ZMYND8: variants seen among roughly 807,000 people sequenced by gnomAD.
The protein encoded by ZMYND8 is MYND-type zinc finger-containing chromatin reader ZMYND8.
Under a neutral mutation model 140.8 loss-of-function variants are expected in ZMYND8, and 37 were observed. The observed-to-expected ratio is 0.26, with a 90% CI of 0.20 to 0.35. The LOEUF (loss-of-function observed/expected upper bound fraction) is 0.35, where lower values mean the gene tolerates loss of function less well. ZMYND8 is among the 10% of genes least tolerant of loss of function. ZMYND8 has a pLI of 1.00. For synonymous variants in ZMYND8, 592 were observed against 597.1 expected (o/e 0.99, Z 0.12); for missense variants, 1,068 against 1,570.0 (o/e 0.68, Z 5.40).
At chr20:47,230,778 CACA>C (rs943730718) in intron 16 of ZMYND8, among the ~76,000 whole-genome samples, 8 of 152,236 alleles carry the variant, frequency 5.3e-5, no homozygotes, top group South Asian at 4.1e-4. Context: ...ACAATCATTT[CACA>C]ACATTTTCAT....
At chr20:47,279,727 A>G (rs2076485250) in intron 10 of ZMYND8, among the ~76,000 whole-genome samples, 1 of 151,186 alleles carries the variant, frequency 6.6e-6, no homozygotes, top group African/African-American at 2.4e-5. Context: ...AACACTGCCC[A>G]GTACATAAAA....
intron 3 of ZMYND8, among the ~76,000 whole-genome samples, chr20:47,306,326 T>A (rs753225235): frequency 4.0e-5 from 6 of 151,498 alleles, no homozygotes; most frequent in Non-Finnish European, 5.9e-5. Context: ...GCCGGGGAGG[T>A]CGAGCCTGCA....
intron 2 of ZMYND8, chr20:47,320,861 A>G (rs918354892): frequency 2.0e-5 from 3 of 152,254 alleles, no homozygotes; most frequent in Non-Finnish European, 4.4e-5. Context: ...CTTTGTAGAA[A>G]AGTCAGACAG....
intron 12 of ZMYND8, 133 bp from the exon 13 acceptor site, chr20:47,249,572 A>G: frequency 8.1e-7 from 1 of 1,229,722 alleles, no homozygotes; most frequent in Non-Finnish European, 1.1e-6. Flanking sequence ...TTTGTCATTC[A>G]TCCCAACAAT....
intron 2 of ZMYND8, among the ~76,000 whole-genome samples, chr20:47,326,494 CAT>C (rs1216934502): frequency 1.3e-5 from 2 of 152,130 alleles, no homozygotes; most frequent in African/African-American, 4.8e-5. Context: ...CCAGGGAAAA[CAT>C]ATTCCCTTCT....
chr20:47,255,726 A>G (rs946541660), intron 12 of ZMYND8, among the ~76,000 whole-genome samples: 1,117 of 11,568 alleles, frequency 0.097, 37 homozygotes, highest in Admixed American at 0.17. Context: ...ATGTGTGTAT[A>G]TATATATATA....
intron 2 of ZMYND8, among the ~76,000 whole-genome samples, chr20:47,332,086 G>A (rs1287033537): frequency 1.3e-5 from 2 of 152,094 alleles, no homozygotes; most frequent in African/African-American, 4.8e-5. Flanking sequence ...GCTGAGGCAG[G>A]CGGATCACGA....
intron 19 of ZMYND8, among the ~76,000 whole-genome samples, chr20:47,223,600 G>T (rs192973587): frequency 6.7e-6 from 1 of 148,428 alleles, no homozygotes; most frequent in Non-Finnish European, 1.5e-5. Context: ...CAAGGTAGGT[G>T]GATCACCTGA....
At chr20:47,227,799 A>T (rs949131340) in intron 17 of ZMYND8, among the ~76,000 whole-genome samples, 1 of 152,192 alleles carries the variant, frequency 6.6e-6, no homozygotes, top group African/African-American at 2.4e-5. Context: ...GAAACTAATT[A>T]AACAGTGTTT....
intron 2 of ZMYND8, among the ~76,000 whole-genome samples, chr20:47,338,540 A>G (rs1283256428): frequency 6.6e-6 from 1 of 152,012 alleles, no homozygotes; most frequent in Non-Finnish European, 1.5e-5. Flanking sequence ...CAGACATCAT[A>G]TTTTCACCAT....
Position 47,281,088 on chromosome 20 carries a change from C to T in ZMYND8, c.998+1014G>A, listed in dbSNP as rs1257909433. On this transcript the variant is annotated intron_variant, in intron 10 of 22. Coordinates refer to ENST00000471951, the MANE Select transcript of ZMYND8 (RefSeq NM_001281775.3). ...TTCCACTACACAGGCTGGCACGCAG[C>T]AGTCATCAAATATGTATTTCTTTGA... Among the ~76,000 whole-genome samples the T allele has an allele frequency of 2.0e-5, 3 of 152,226 alleles. No individual in the cohort carries two copies. In the East Asian group the frequency reaches 5.8e-4, roughly 29 times the overall value.
intron 2 of ZMYND8, among the ~76,000 whole-genome samples, chr20:47,343,957 C>CTT (rs750832298): frequency 0.017 from 1,994 of 119,916 alleles, 97 homozygotes; most frequent in African/African-American, 0.058. Context: ...AGTGATAAAT[C>CTT]TTTTTTTTTT....
chr20:47,349,908 T>G (rs576589459), intron 1 of ZMYND8: 3 of 1,535,466 alleles, frequency 2.0e-6, no homozygotes, highest in Admixed American at 3.9e-5. Flanking sequence ...GTATTGATCA[T>G]GGAGGAAGGC....
chr20:47,297,861 C>T (rs1408075940), intron 4 of ZMYND8, among the ~76,000 whole-genome samples: 2 of 152,136 alleles, frequency 1.3e-5, no homozygotes, highest in African/African-American at 4.8e-5. Context: ...CAGTGGAAAC[C>T]CTAATAGTTG....
At chr20:47,249,514 CAG>C in intron 12 of ZMYND8, 75 bp from the exon 13 acceptor site, 9 of 1,553,952 alleles carry the variant, frequency 5.8e-6, no homozygotes, top group Non-Finnish European at 7.9e-6. Flanking sequence ...CTTGCAAAGT[CAG>C]AGCAAAACAC....
intron 21 of ZMYND8, among the ~76,000 whole-genome samples, chr20:47,216,860 TAAAAG>T (rs1568881015): frequency 6.6e-6 from 1 of 151,998 alleles, no homozygotes; most frequent in African/African-American, 2.4e-5. Context: ...AAAGTATTAA[TAAAAG>T]AAAAACATAT....
chr20:47,309,398 C>T (rs549006608), intron 3 of ZMYND8, among the ~76,000 whole-genome samples: 56 of 152,200 alleles, frequency 3.7e-4, no homozygotes, highest in African/African-American at 1.2e-3. Flanking sequence ...CTCCGCCTCC[C>T]GGGTTCAAGC....
chr20:47,233,129 A>T (rs2038761693), intron 16 of ZMYND8, among the ~76,000 whole-genome samples: 1 of 146,556 alleles, frequency 6.8e-6, no homozygotes, highest in South Asian at 2.2e-4. Flanking sequence ...CTAGTCTCGA[A>T]CTCCTGACCT....
In ZMYND8 at chr20:47,354,063, A is replaced by G. The variant is rs997357292; in HGVS notation, c.14+2594T>C. 5.5e-4 allele frequency: 83 copies of G among 152,274 alleles called. 1 individual carries two copies. Among genetic ancestry groups the G allele is most frequent in the African/African-American group, 1.9e-3 (80 of 41,568 alleles). 9.4% of individuals were successfully genotyped at this position (152,274 alleles called of 1,614,324 possible). On this transcript the variant is annotated intron_variant, in intron 1 of 22. Transcript: ENST00000471951. ...CCTACCTAGTCCTGCTGCAATGCAG[A>G]CATTTATTTTTTTCCCCCTTTCCTG... is the stretch of plus-strand genomic sequence containing the variant.
Sources: allele counts gnomAD v4.1 joint callset (sites outside exome capture counted in the v4.1 genomes callset), GRCh38; gene constraint gnomAD v4.1.1; transcripts MANE v1.5; gene names NCBI Gene and HGNC (gene_info 2026-07-23, HGNC 2026-07-21).